Variants in STK4 observed in about 807,000 individuals in gnomAD.
STK4 encodes the protein serine/threonine kinase 4, also known as serine/threonine-protein kinase 4.
A neutral mutation model predicts 64.9 loss-of-function variants in STK4; 30 were observed. The ratio of observed to expected loss-of-function variants is 0.46; its 90% CI spans 0.35 to 0.63. STK4 has a LOEUF of 0.63. Ranked by LOEUF, STK4 falls within the 20% of genes least tolerant of loss-of-function variation. The probability of loss-of-function intolerance (pLI) is 0.01; values close to 1 mark genes in which losing one functional copy is unlikely to be tolerated. For missense variants in STK4, 466 were observed against 598.5 expected, an observed-to-expected ratio of 0.78 and a Z score of 2.31; for synonymous variants, 177 against 199.0, an observed-to-expected ratio of 0.89 and a Z score of 0.93.
In STK4 at chr20:44,966,584, C is replaced by T; in HGVS notation, c.16C>T (p.Leu6=). Residue 6 remains leucine (L), a synonymous_variant, in exon 1 of 11, where the codon CTG becomes TTG. Coordinates refer to ENST00000372806, the MANE Select transcript of STK4 (RefSeq NM_006282.5). ...TGGCAGCGCCATGGAGACGGTACAG[C>T]TGAGGAACCCGCCGCGCCGGTGAGG... METVQ[L]RNPPRRQLKK... 7.9e-7 allele frequency: 1 copy of T among 1,273,516 alleles called. No individual in the cohort carries two copies. Among genetic ancestry groups the T allele is most frequent in the Non-Finnish European group, 1.0e-6 (1 of 1,001,686 alleles). 78.9% of individuals were successfully genotyped at this position (1,273,516 alleles called of 1,614,324 possible).
chr20:45,027,113 C>CT (rs1428713066), intron 10 of STK4, among the ~76,000 whole-genome samples: 1 of 152,110 alleles, frequency 6.6e-6, no homozygotes, highest in African/African-American at 2.4e-5. Context: ...GCTTAGTTTC[C>CT]TTGTTTTTAA....
chr20:45,044,349 G>A (rs957208286), intron 10 of STK4, among the ~76,000 whole-genome samples: 4 of 152,254 alleles, frequency 2.6e-5, no homozygotes, highest in Non-Finnish European at 4.4e-5. Context: ...GAACCAGGCC[G>A]GGTGAATGAT....
chr20:45,063,022 A>G, intron 10 of STK4, among the ~76,000 whole-genome samples: 1 of 20,386 alleles, frequency 4.9e-5, no homozygotes, highest in East Asian at 8.8e-4. Flanking sequence ...TTTTTTTTGG[A>G]CACAGGGTCT....
intron 1 of STK4, among the ~76,000 whole-genome samples, chr20:44,969,114 A>T (rs987051365): frequency 2.0e-5 from 3 of 152,056 alleles, no homozygotes; most frequent in Non-Finnish European, 4.4e-5. Context: ...TGCCCATATG[A>T]CCTCATTTTA....
intron 1 of STK4, among the ~76,000 whole-genome samples, chr20:44,970,246 GA>G (rs112638314): frequency 0.26 from 38,749 of 146,830 alleles, 5,619 homozygotes; most frequent in Middle Eastern, 0.43. Flanking sequence ...TAAAAAAAAA[GA>G]AAAAAAAAGT....
rs1420355641 is a variant in STK4 at position 45,079,542 on chromosome 20, A to C, written c.*4366A>C. The C allele has an allele frequency of 6.6e-6, 1 of 152,502 alleles. No homozygotes were observed. The highest frequency in any genetic ancestry group is 1.5e-5 in the Non-Finnish European group (1 of 68,020). 9.4% of individuals were successfully genotyped at this position (152,502 alleles called of 1,614,324 possible). A position where few individuals can be genotyped will look rare whatever the true frequency, so the allele number is the denominator to read the frequency against. ...TCTTAAGCACTATGTTTGTGTTTTT[A>C]TCAGTATTATATTCATTGTCTTTGG... is the stretch of plus-strand genomic sequence containing the variant. On this transcript the variant is annotated 3_prime_UTR_variant, in exon 11 of 11. Coordinates refer to ENST00000372806, the MANE Select transcript of STK4 (RefSeq NM_006282.5).
At chr20:45,036,031 T>C (rs2068522505) in intron 10 of STK4, among the ~76,000 whole-genome samples, 1 of 152,202 alleles carries the variant, frequency 6.6e-6, no homozygotes, top group Non-Finnish European at 1.5e-5. Context: ...AGATCTATTG[T>C]ACAACATGGT....
intron 4 of STK4, among the ~76,000 whole-genome samples, chr20:44,984,186 GTT>G (rs11397664): frequency 1.3e-5 from 1 of 76,054 alleles, no homozygotes; most frequent in Non-Finnish European, 2.3e-5. Flanking sequence ...TGTTGTCGTT[GTT>G]TTTTTTTTTT....
At chr20:45,020,074 C>T (rs2068215280) in intron 9 of STK4, among the ~76,000 whole-genome samples, 1 of 152,160 alleles carries the variant, frequency 6.6e-6, no homozygotes. Context: ...GATCACTAAA[C>T]TTAAAACCTG....
chr20:45,070,923 A>T (rs1436023390), intron 10 of STK4, among the ~76,000 whole-genome samples: 1 of 151,714 alleles, frequency 6.6e-6, no homozygotes, highest in Non-Finnish European at 1.5e-5. Context: ...CATCAGGCTT[A>T]CTATCATTAG....
intron 5 of STK4, 35 bp from the exon 6 acceptor site, chr20:44,995,055 A>T: frequency 2.6e-6 from 4 of 1,512,714 alleles, no homozygotes; most frequent in Non-Finnish European, 3.6e-6. Flanking sequence ...AGTAGTTTTA[A>T]GCTTAGTGTC....
chr20:45,018,368 G>T (rs576466118), intron 9 of STK4, among the ~76,000 whole-genome samples: 1 of 152,158 alleles, frequency 6.6e-6, no homozygotes, highest in South Asian at 2.1e-4. Context: ...TGACCATATT[G>T]GTTTACTTAG....
intron 10 of STK4, among the ~76,000 whole-genome samples, chr20:45,052,178 C>A (rs1300286196): frequency 2.0e-5 from 3 of 152,022 alleles, no homozygotes; most frequent in African/African-American, 7.2e-5. Flanking sequence ...TGTTACAATG[C>A]TATTTTGTTA....
chr20:45,022,779 T>C (rs1043677049), intron 9 of STK4, among the ~76,000 whole-genome samples: 2 of 152,328 alleles, frequency 1.3e-5, no homozygotes, highest in Middle Eastern at 3.4e-3. Flanking sequence ...GTAAATTCCA[T>C]TGGAGAAAAA....
chr20:44,969,902 G>A (rs188588315), intron 1 of STK4, among the ~76,000 whole-genome samples: 20 of 152,294 alleles, frequency 1.3e-4, no homozygotes, highest in African/African-American at 4.6e-4. Context: ...CTTCTTAGGT[G>A]AAATTCTGTT....
intron 10 of STK4, among the ~76,000 whole-genome samples, chr20:45,047,524 C>A (rs2068715515): frequency 6.6e-6 from 1 of 152,162 alleles, no homozygotes; most frequent in Non-Finnish European, 1.5e-5. Flanking sequence ...CCATTGTGCA[C>A]TCTTTGGAAA....
intron 10 of STK4, among the ~76,000 whole-genome samples, chr20:45,034,808 T>C (rs1455151640): frequency 3.9e-5 from 6 of 152,046 alleles, no homozygotes; most frequent in Non-Finnish European, 7.4e-5. Flanking sequence ...TCTCAGCTAC[T>C]TGAGAGGCTG....
intron 10 of STK4, among the ~76,000 whole-genome samples, chr20:45,027,813 A>G (rs1200306807): frequency 2.6e-5 from 4 of 152,118 alleles, no homozygotes; most frequent in African/African-American, 4.8e-5. Flanking sequence ...CTCTGTCTCC[A>G]TAGGATCCAC....
chr20:44,982,944 T>A (rs1279796616), intron 4 of STK4, among the ~76,000 whole-genome samples: 2 of 151,986 alleles, frequency 1.3e-5, no homozygotes, highest in Non-Finnish European at 2.9e-5. Flanking sequence ...TTGTGGAGAC[T>A]GGTGGGCTAT....
Sources: gnomAD v4.1 joint callset for allele counts (sites outside exome capture counted in the v4.1 genomes callset) on GRCh38, gnomAD v4.1.1 for gene constraint, MANE v1.5 for transcripts, NCBI Gene and HGNC (gene_info 2026-07-23, HGNC 2026-07-21) for gene names.